The following KDM6A variants were observed in gnomAD, a reference collection of about 807,000 sequenced individuals.
The protein encoded by KDM6A is lysine demethylase 6A, also known as lysine-specific demethylase 6A.
In KDM6A, 11 loss-of-function variants were observed where a neutral mutation model predicts 117.6. The ratio of observed to expected loss-of-function variants is 0.09; its 90% CI spans 0.06 to 0.15. KDM6A has a LOEUF of 0.15. Among genes scored for constraint, KDM6A ranks in the 10% least tolerant of loss-of-function variants. The pLI, the probability that KDM6A is intolerant of heterozygous loss-of-function variation, is 1.00. For missense variants in KDM6A, 799 were observed against 1,077.3 expected (o/e 0.74, Z 3.62); for synonymous variants, 384 against 396.1 (o/e 0.97, Z 0.36).
At chrX:44,893,316 T>A (rs1279175689) in intron 2 of KDM6A, among the ~76,000 whole-genome samples, 1 of 111,920 alleles carries the variant, frequency 8.9e-6, no homozygotes, top group African/African-American at 3.2e-5. Context: ...GTCTCTTTGT[T>A]TACTTAGGTC....
intron 27 of KDM6A, among the ~76,000 whole-genome samples, chrX:45,103,689 T>G (rs749760555): frequency 8.9e-6 from 1 of 112,395 alleles, no homozygotes; most frequent in African/African-American, 3.2e-5. Flanking sequence ...GCTTCATCTT[T>G]GCAGATCACT....
intron 2 of KDM6A, among the ~76,000 whole-genome samples, chrX:44,877,698 A>G (rs1324771388): frequency 8.1e-5 from 9 of 110,781 alleles, no homozygotes; most frequent in Non-Finnish European, 1.1e-4. Flanking sequence ...AACTATTGCT[A>G]AAATACACAG....
At chrX:44,982,731 A>G (rs187745950) in intron 4 of KDM6A, among the ~76,000 whole-genome samples, 1 of 111,389 alleles carries the variant, frequency 9.0e-6, no homozygotes, top group East Asian at 2.8e-4. Flanking sequence ...TGCTGGCCGT[A>G]TTTTCCTAAT....
Position 44,915,643 on chromosome X carries a change from G to A in KDM6A, c.225+41656G>A, listed in dbSNP as rs1040632838. 6.3e-5 allele frequency among the ~76,000 whole-genome samples: 7 copies of A among 111,498 alleles called. No individual in the cohort carries two copies. In the East Asian group the frequency reaches 1.4e-3, roughly 22 times the overall value. ...TAAGTTTTAGATTGCACCCTTTTCC[G>A]AGTAGCATGATGAAATCTCGCACTG... On this transcript the variant is annotated intron_variant, in intron 2 of 29. Coordinates refer to ENST00000611820, the MANE Select transcript of KDM6A (RefSeq NM_001291415.2).
rs1057524607 is a variant in KDM6A, at chrX:45,063,759, C to A, written c.2021C>A (p.Thr674Lys). 5 of 1,206,879 alleles carry A rather than the reference C, an allele frequency of 4.1e-6. No homozygotes were observed. The highest frequency in any genetic ancestry group is 5.6e-6 in the Non-Finnish European group (5 of 892,725). ...GCACTCACTCTACCTCATAACCGCA[C>A]AAACCTGACCAGCAGCGCAGAGGAG... Reference protein sequence around the residue: ...RNALTLPHNRTNLTSSAEEPW... With the variant: ...RNALTLPHNRKNLTSSAEEPW... Residue 674 changes from threonine to lysine, a missense_variant, in exon 17 of 30, where the codon ACA (threonine) becomes AAA (lysine). Physicochemically the swap from Thr to Lys is moderately conservative, Grantham distance 78. Around this residue, in one of 8 missense-constraint regions of KDM6A, gnomAD observed 301 missense variants for 318.3 expected, o/e 0.95. Transcript: ENST00000611820.
rs377128657 is a variant in KDM6A, at chrX:44,996,672, G to T, written c.385-14289G>T. Among the ~76,000 whole-genome samples the T allele has an allele frequency of 4.2e-4, 47 of 110,599 alleles. 3 individuals are homozygous for T. Among genetic ancestry groups the T allele is most frequent in the Admixed American group, 2.6e-3 (27 of 10,480 alleles). ...GTAATTCAGACTATAATAAGGAAAT[G>T]ATTCTGTATAAATTGAATCAGCAAA... On this transcript the variant is annotated intron_variant, in intron 4 of 29. Coordinates refer to ENST00000611820, the MANE Select transcript of KDM6A (RefSeq NM_001291415.2).
intron 21 of KDM6A, among the ~76,000 whole-genome samples, chrX:45,081,349 C>T (rs1157823449): frequency 8.9e-6 from 1 of 112,203 alleles, no homozygotes; most frequent in East Asian, 2.8e-4. Context: ...GTATTGCTAA[C>T]TCAGAAATCA....
chrX:44,977,405 C>A (rs1352009298), intron 4 of KDM6A, among the ~76,000 whole-genome samples: 2 of 110,442 alleles, frequency 1.8e-5, no homozygotes, highest in African/African-American at 6.6e-5. Flanking sequence ...CAGATGCACA[C>A]CACCATGCTC....
At chrX:45,095,673 C>G (rs2046072246) in intron 27 of KDM6A, among the ~76,000 whole-genome samples, 2 of 111,251 alleles carry the variant, frequency 1.8e-5, no homozygotes, top group Admixed American at 9.6e-5. Flanking sequence ...AAATGGTTTT[C>G]CCTTGCCATT....
chrX:44,947,312 T>C (rs1395007551), intron 2 of KDM6A, among the ~76,000 whole-genome samples: 2 of 110,881 alleles, frequency 1.8e-5, no homozygotes, highest in African/African-American at 3.3e-5. Flanking sequence ...GAAGACCATC[T>C]ATAGTTAAAT....
intron 2 of KDM6A, among the ~76,000 whole-genome samples, chrX:44,956,017 ATTTTTCCTACC>A (rs767825576): frequency 3.9e-3 from 437 of 111,613 alleles, no homozygotes; most frequent in South Asian, 0.017. Flanking sequence ...GGTGTGTTTA[ATTTTTCCTACC>A]TTCTGAATGA....
chrX:44,894,620 A>AT (rs1405666654), intron 2 of KDM6A, among the ~76,000 whole-genome samples: 9 of 92,019 alleles, frequency 9.8e-5, no homozygotes, highest in Admixed American at 9.5e-4. Context: ...TTAATTAATT[A>AT]ATTTTTTTTT....
At chrX:44,918,786 A>C (rs1196143795) in intron 2 of KDM6A, among the ~76,000 whole-genome samples, 1 of 111,930 alleles carries the variant, frequency 8.9e-6, no homozygotes, top group East Asian at 2.8e-4. Flanking sequence ...TTTAGCCATT[A>C]AATGTTATTT....
intron 10 of KDM6A, among the ~76,000 whole-genome samples, chrX:45,055,072 C>T (rs981082696): frequency 1.8e-5 from 2 of 111,153 alleles, no homozygotes; most frequent in Non-Finnish European, 3.8e-5. Context: ...TGATCTGTTA[C>T]GTATCTTCCT....
intron 27 of KDM6A, chrX:45,106,467 T>C (rs866175486): frequency 1.6e-5 from 5 of 320,978 alleles, no homozygotes; most frequent in African/African-American, 8.0e-5. Flanking sequence ...GATAAGTAGA[T>C]AGCAGGAATA....
chrX:44,923,255 G>A (rs1488205919), intron 2 of KDM6A, among the ~76,000 whole-genome samples: 1 of 110,887 alleles, frequency 9.0e-6, no homozygotes, highest in Non-Finnish European at 1.9e-5. Flanking sequence ...CTTGAGATCC[G>A]TTGAGCTCCT....
At chrX:44,980,882 A>G (rs944629023) in intron 4 of KDM6A, among the ~76,000 whole-genome samples, 4 of 109,604 alleles carry the variant, frequency 3.6e-5, no homozygotes, top group African/African-American at 1.3e-4. Context: ...GGAAAACATT[A>G]CATTTTTACT....
At chrX:44,960,834 T>C (rs1430059593) in intron 2 of KDM6A, among the ~76,000 whole-genome samples, 1 of 111,357 alleles carries the variant, frequency 9.0e-6, no homozygotes, top group Non-Finnish European at 1.9e-5. Context: ...TAAAAGCAGT[T>C]CAGTGTAAAT....
Position 45,085,822 on chromosome X carries a change from T to C in KDM6A, c.3590-43T>C, listed in dbSNP as rs1303982100. 3 of 739,343 alleles carry C rather than the reference T, an allele frequency of 4.1e-6. No homozygotes were observed. The South Asian group carries it at 6.3e-5, about 15-fold the overall frequency. The allele number at this position is 739,343 out of a possible 1,213,427, so 60.9% of individuals were successfully genotyped here. A position where few individuals can be genotyped will look rare whatever the true frequency, so the allele number is the denominator to read the frequency against. On this transcript the variant is annotated intron_variant, in intron 24 of 29. Coordinates refer to ENST00000611820, the MANE Select transcript of KDM6A (RefSeq NM_001291415.2). ...TGTATAAGTACCGTGTGCTAACCAA[T>C]TGCACCACTGGAGCTCCAATTTTTT...
Sources: allele counts gnomAD v4.1 joint callset (sites outside exome capture counted in the v4.1 genomes callset), GRCh38; gene constraint gnomAD v4.1.1; regional missense constraint gnomAD v4.1.1; transcripts MANE v1.5; gene names NCBI Gene and HGNC (gene_info 2026-07-23, HGNC 2026-07-21).